TMEM266: variants seen among roughly 807,000 people sequenced by gnomAD.
TMEM266 encodes Hv1 related protein 1.
A neutral mutation model predicts 50.5 loss-of-function variants in TMEM266; 33 were observed. The observed-to-expected ratio is 0.65, with a 90% CI of 0.50 to 0.87. The LOEUF is 0.87. Ranked by LOEUF, TMEM266 falls within the 40% of genes least tolerant of loss-of-function variation. The probability of loss-of-function intolerance (pLI) is 0.00; values close to 1 mark genes in which losing one functional copy is unlikely to be tolerated. For missense variants in TMEM266, 655 were observed against 695.1 expected (o/e 0.94, Z 0.65); for synonymous variants, 310 against 292.3 (o/e 1.06, Z -0.62).
intron 7 of TMEM266, chr15:76,175,247 G>GA: frequency 3.7e-6 from 1 of 268,144 alleles, no homozygotes; most frequent in South Asian, 4.3e-5. Flanking sequence ...CCAGAAGGTG[G>GA]TCTTGTGGCC....
At chr15:76,118,468 A>T (rs2037287104) in intron 1 of TMEM266, among the ~76,000 whole-genome samples, 1 of 152,234 alleles carries the variant, frequency 6.6e-6, no homozygotes, top group African/African-American at 2.4e-5. Context: ...CTAAGGCAGA[A>T]GAATCACTTG....
chr15:76,071,763 G>C (rs2141984264), intron 1 of TMEM266, among the ~76,000 whole-genome samples: 1 of 152,242 alleles, frequency 6.6e-6, no homozygotes, highest in African/African-American at 2.4e-5. Context: ...AAGAAGCAGT[G>C]GGGGACAGAG....
intron 1 of TMEM266, chr15:76,113,073 T>G (rs2037196683): frequency 6.6e-6 from 1 of 152,454 alleles, no homozygotes; most frequent in Non-Finnish European, 1.5e-5. Context: ...CCCAGCACTT[T>G]GGGAGCCCGA....
At chr15:76,191,675 C>A in intron 8 of TMEM266, 1 of 361,922 alleles carries the variant, frequency 2.8e-6, no homozygotes, top group Non-Finnish European at 5.0e-6. Context: ...GTCCAGTGGC[C>A]TTTCCACAAA....
intron 1 of TMEM266, among the ~76,000 whole-genome samples, chr15:76,079,934 A>G (rs1349465271): frequency 5.9e-5 from 9 of 152,024 alleles, no homozygotes; most frequent in Non-Finnish European, 8.8e-5. Flanking sequence ...TGGTAAATAA[A>G]TATGAGGTCA....
At chr15:76,191,781 C>T in intron 8 of TMEM266, 187 bp from the exon 9 acceptor site, 1 of 560,498 alleles carries the variant, frequency 1.8e-6, no homozygotes, top group Non-Finnish European at 3.0e-6. Context: ...GGAAAAGGCT[C>T]CGCAACCGTA....
chr15:76,073,243 T>A (rs2141985405), intron 1 of TMEM266, among the ~76,000 whole-genome samples: 1 of 151,514 alleles, frequency 6.6e-6, no homozygotes, highest in African/African-American at 2.4e-5. Flanking sequence ...CTTTTTTTTT[T>A]TTTTTGTGAG....
At chr15:76,155,680 C>G (rs2037913728) in intron 3 of TMEM266, among the ~76,000 whole-genome samples, 1 of 152,150 alleles carries the variant, frequency 6.6e-6, no homozygotes, top group African/African-American at 2.4e-5. Context: ...ATCCATTTAA[C>G]TTCGTTGGAC....
At chr15:76,124,166 C>T (rs2037384666) in intron 1 of TMEM266, among the ~76,000 whole-genome samples, 1 of 152,188 alleles carries the variant, frequency 6.6e-6, no homozygotes, top group Non-Finnish European at 1.5e-5. Context: ...AAGATGCCTC[C>T]TGAATAAAAG....
chr15:76,081,049 A>C (rs368230178), intron 1 of TMEM266, among the ~76,000 whole-genome samples: 5 of 151,882 alleles, frequency 3.3e-5, no homozygotes, highest in African/African-American at 9.7e-5. Context: ...CGTACCCAGC[A>C]CCCTGGGGAT....
At chr15:76,202,338 G>A in intron 10 of TMEM266, 74 bp downstream of exon 10, 1 of 1,379,164 alleles carries the variant, frequency 7.3e-7, no homozygotes, top group South Asian at 1.3e-5. Flanking sequence ...AACTCGGCCT[G>A]GCTTCAAAGC....
intron 1 of TMEM266, among the ~76,000 whole-genome samples, chr15:76,075,740 T>G (rs1279323988): frequency 6.6e-6 from 1 of 151,536 alleles, no homozygotes; most frequent in African/African-American, 2.4e-5. Context: ...GTGTCAGATC[T>G]GAGTCTCTCA....
chr15:76,130,095 G>A (rs554649668), intron 1 of TMEM266, among the ~76,000 whole-genome samples: 132 of 151,436 alleles, frequency 8.7e-4, no homozygotes, highest in Non-Finnish European at 1.5e-3. Context: ...GTGGTGGCTT[G>A]TGCTTTTCAG....
intron 8 of TMEM266, among the ~76,000 whole-genome samples, chr15:76,187,975 CA>C (rs1417856032): frequency 6.6e-6 from 1 of 152,110 alleles, no homozygotes; most frequent in African/African-American, 2.4e-5. Flanking sequence ...TGGAGGGTGG[CA>C]GGGGTGTGCT....
intron 1 of TMEM266, among the ~76,000 whole-genome samples, chr15:76,070,486 A>G (rs553532599): frequency 6.6e-6 from 1 of 152,340 alleles, no homozygotes; most frequent in African/African-American, 2.4e-5. Flanking sequence ...GCTGTGAGCC[A>G]AGCATGTTTA....
chr15:76,149,180 C>T (rs2037800384), intron 3 of TMEM266, among the ~76,000 whole-genome samples: 1 of 152,180 alleles, frequency 6.6e-6, no homozygotes, highest in African/African-American at 2.4e-5. Context: ...AAAGGGTGTC[C>T]CTGTAGGCAT....
chr15:76,198,794 C>G (rs531110761), intron 9 of TMEM266, among the ~76,000 whole-genome samples: 1 of 102,650 alleles, frequency 9.7e-6, no homozygotes, highest in East Asian at 5.7e-4. Context: ...AGAAGAGGAT[C>G]CACCAGCCTG....
intron 1 of TMEM266, among the ~76,000 whole-genome samples, chr15:76,096,333 T>A (rs1043044248): frequency 5.9e-5 from 9 of 152,076 alleles, no homozygotes; most frequent in African/African-American, 1.7e-4. Flanking sequence ...TGGTTTCAAA[T>A]AACATCTTTA....
At chr15:76,150,324 G>A (rs995938250) in intron 3 of TMEM266, among the ~76,000 whole-genome samples, 1 of 152,150 alleles carries the variant, frequency 6.6e-6, no homozygotes, top group African/African-American at 2.4e-5. Flanking sequence ...CTTCGATCTG[G>A]CTCCTGCTAC....
Sources: allele counts gnomAD v4.1 joint callset (sites outside exome capture counted in the v4.1 genomes callset), GRCh38; gene constraint gnomAD v4.1.1; transcripts MANE v1.5; gene names NCBI Gene and HGNC (gene_info 2026-07-23, HGNC 2026-07-21).